The following NEK6 variants were observed in gnomAD, a reference collection of about 807,000 sequenced individuals.
The protein encoded by NEK6 is NIMA related kinase 6.
Under a neutral mutation model 43.5 loss-of-function variants are expected in NEK6, and 27 were observed. That is an observed-to-expected ratio of 0.62 (90% CI 0.46 to 0.86). The LOEUF (loss-of-function observed/expected upper bound fraction) is 0.86, where lower values mean the gene tolerates loss of function less well. Among genes scored for constraint, NEK6 ranks in the 40% least tolerant of loss-of-function variants. NEK6 has a pLI of 0.00. For missense variants in NEK6, 318 were observed against 414.4 expected, an observed-to-expected ratio of 0.77 and a Z score of 2.02; for synonymous variants, 167 against 164.1, an observed-to-expected ratio of 1.02 and a Z score of -0.14.
chr9:124,341,843 G>A (rs1829650698), intron 8 of NEK6, among the ~76,000 whole-genome samples: 1 of 152,222 alleles, frequency 6.6e-6, no homozygotes, highest in African/African-American at 2.4e-5. Context: ...TCTGAGACAG[G>A]AGGAAACCTG....
chr9:124,273,831 G>A (rs1484623504), intron 1 of NEK6, among the ~76,000 whole-genome samples: 2 of 152,110 alleles, frequency 1.3e-5, no homozygotes, highest in African/African-American at 4.8e-5. Context: ...TTGTATATTT[G>A]TAAAATGAGG....
chr9:124,291,948 G>A (rs1328231755), intron 1 of NEK6: 21 of 985,952 alleles, frequency 2.1e-5, no homozygotes, highest in South Asian at 4.7e-5. Flanking sequence ...AGTCCCATGC[G>A]GAGACAGAGG....
intron 1 of NEK6, chr9:124,292,569 C>T: frequency 6.5e-7 from 1 of 1,536,690 alleles, no homozygotes; most frequent in Non-Finnish European, 8.7e-7. Flanking sequence ...CGAAGCCCTC[C>T]AGCCCCCGGG....
At chr9:124,301,865 G>T in intron 1 of NEK6, 71 bp from the exon 2 acceptor site, 4 of 1,248,336 alleles carry the variant, frequency 3.2e-6, no homozygotes, top group Non-Finnish European at 3.4e-6. Context: ...GTAAAATGGG[G>T]TGAGCGAAAG....
rs151072858 is a variant in NEK6 at position 124,279,058 on chromosome 9, G to A, written c.-30+20973G>A. Among the ~76,000 whole-genome samples, 507 of 152,208 alleles carry A rather than the reference G, an allele frequency of 3.3e-3. 6 individuals are homozygous for A. The highest frequency in any genetic ancestry group is 0.012 in the African/African-American group (484 of 41,510). On this transcript the variant is annotated intron_variant, in intron 1 of 9. Coordinates refer to ENST00000320246, the MANE Select transcript of NEK6 (RefSeq NM_014397.6). Reference sequence around the variant, plus strand: ...GGGCGAAGTTTCCCAGCAAATAGGTGGAGTGTCCCATATTTCAATTCTGGC... The same window carrying A: ...GGGCGAAGTTTCCCAGCAAATAGGTAGAGTGTCCCATATTTCAATTCTGGC...
At chr9:124,330,436 A>G (rs1828919051) in intron 7 of NEK6, among the ~76,000 whole-genome samples, 1 of 152,230 alleles carries the variant, frequency 6.6e-6, no homozygotes, top group South Asian at 2.1e-4. Flanking sequence ...GCGGGCGGGC[A>G]GGCCTGGCTC....
intron 1 of NEK6, among the ~76,000 whole-genome samples, chr9:124,286,243 C>T (rs1832154813): frequency 1.3e-5 from 2 of 152,210 alleles, no homozygotes; most frequent in African/African-American, 2.4e-5. Flanking sequence ...TTTTTCCCCT[C>T]TCTTTCTTTT....
rs751164594 is a variant in NEK6, at chr9:124,347,868, C to T, written c.831+46C>T. 22 of 1,252,510 alleles carry T rather than the reference C, an allele frequency of 1.8e-5. No individual in the cohort carries two copies. The East Asian group carries it at 2.3e-4, about 13-fold the overall frequency. The allele number at this position is 1,252,510 out of a possible 1,614,324, so 77.6% of individuals were successfully genotyped here. A position where few individuals can be genotyped will look rare whatever the true frequency, so the allele number is the denominator to read the frequency against. ...GGCCTCGCCAGCCCCAGGAGGCCAC[C>T]GAGGCTTATGAGGGCCGCTCCAAAA... On this transcript the variant is annotated intron_variant, in intron 9 of 9. Transcript: ENST00000320246.
intron 7 of NEK6, among the ~76,000 whole-genome samples, chr9:124,329,701 C>G (rs1828868576): frequency 6.6e-6 from 1 of 152,244 alleles, no homozygotes; most frequent in South Asian, 2.1e-4. Flanking sequence ...AACCAAGGGC[C>G]TGCACCCACC....
intron 5 of NEK6, among the ~76,000 whole-genome samples, chr9:124,323,633 C>A (rs1266124347): frequency 6.6e-6 from 1 of 152,112 alleles, no homozygotes; most frequent in Admixed American, 6.5e-5. Context: ...CGGAGTGGGG[C>A]TGCCGTCAGA....
intron 2 of NEK6, among the ~76,000 whole-genome samples, chr9:124,311,704 T>A (rs1833534137): frequency 6.6e-6 from 1 of 152,198 alleles, no homozygotes; most frequent in African/African-American, 2.4e-5. Flanking sequence ...GCACATTTTT[T>A]TGAGAGGGGG....
At chr9:124,263,638 C>T (rs1831118623) in intron 1 of NEK6, among the ~76,000 whole-genome samples, 1 of 152,186 alleles carries the variant, frequency 6.6e-6, no homozygotes, top group Non-Finnish European at 1.5e-5. Flanking sequence ...ACCCTTGGTC[C>T]GTGGCCCAGA....
chr9:124,327,304 A>T (rs771846184), intron 6 of NEK6, 34 bp from the exon 7 acceptor site: 1 of 1,583,656 alleles, frequency 6.3e-7, no homozygotes, highest in East Asian at 2.2e-5. Flanking sequence ...CAAGCCTCCT[A>T]CCCCACACCA....
chr9:124,316,594 G>C (rs939593183), intron 4 of NEK6, among the ~76,000 whole-genome samples: 1 of 152,176 alleles, frequency 6.6e-6, no homozygotes, highest in Non-Finnish European at 1.5e-5. Context: ...GGCCCACCAA[G>C]AGGCCACAGG....
intron 1 of NEK6, among the ~76,000 whole-genome samples, chr9:124,298,371 G>C (rs1243656427): frequency 6.6e-6 from 1 of 152,100 alleles, no homozygotes; most frequent in African/African-American, 2.4e-5. Flanking sequence ...GGTGCCGCAG[G>C]TTCCATTAGG....
At chr9:124,298,690 T>C (rs1388180892) in intron 1 of NEK6, among the ~76,000 whole-genome samples, 2 of 152,156 alleles carry the variant, frequency 1.3e-5, no homozygotes, top group African/African-American at 2.4e-5. Flanking sequence ...TGGACAAATA[T>C]GCAGTTGTTG....
chr9:124,310,633 C>CG (rs1564637844), intron 2 of NEK6, among the ~76,000 whole-genome samples: 1 of 152,108 alleles, frequency 6.6e-6, no homozygotes, highest in East Asian at 1.9e-4. Context: ...GGAGTCTCAC[C>CG]GTCACCCAGG....
In NEK6 at chr9:124,326,202, T is replaced by TG; in HGVS notation, c.406-128_406-127insG. ...GCTTATTGTTTGCTCAGTGGCTCAA[T>TG]CCCCCCCCCCCGCCCCTGCCAGGCA... On this transcript the variant is annotated intron_variant, in intron 5 of 9. Transcript: ENST00000320246. This position sits in a 1 kb window ranked among gnomAD's most constrained non-coding sequence, Gnocchi z 4.5. The TG allele has an allele frequency of 4.0e-5, 5 of 124,048 alleles. No individual in the cohort carries two copies. The highest frequency in any genetic ancestry group is 6.5e-5 in the South Asian group (1 of 15,360). 7.7% of individuals were successfully genotyped at this position (124,048 alleles called of 1,614,324 possible).
At chr9:124,313,385 T>C (rs1833641730) in intron 3 of NEK6, among the ~76,000 whole-genome samples, 1 of 151,946 alleles carries the variant, frequency 6.6e-6, no homozygotes, top group African/African-American at 2.4e-5. Context: ...TTGTTTTTTT[T>C]TTGAGATAGA....
Sources: allele counts gnomAD v4.1 joint callset (sites outside exome capture counted in the v4.1 genomes callset), GRCh38; gene constraint gnomAD v4.1.1; non-coding constraint Gnocchi (gnomAD v3.1); transcripts MANE v1.5; gene names NCBI Gene and HGNC (gene_info 2026-07-23, HGNC 2026-07-21).